Variants in NET1 observed in about 807,000 individuals in gnomAD.
The protein encoded by NET1 is neuroepithelial cell transforming 1, also known as neuroepithelial cell-transforming gene 1 protein.
In NET1, 42 loss-of-function variants were observed where a neutral mutation model predicts 61.1. That is an observed-to-expected ratio of 0.69 (90% CI 0.54 to 0.89). The LOEUF (loss-of-function observed/expected upper bound fraction) is 0.89. NET1 is among the 40% of genes least tolerant of loss of function. The pLI is 0.00. For synonymous variants in NET1, 254 were observed against 281.8 expected (o/e 0.90, Z 0.99); for missense variants, 654 against 747.3 (o/e 0.88, Z 1.46).
Position 5,416,083 on chromosome 10 carries a change from G to A in NET1, c.128+3263G>A, listed in dbSNP as rs1010909397. On this transcript the variant is annotated intron_variant, in intron 1 of 11. Coordinates refer to ENST00000355029, the MANE Select transcript of NET1 (RefSeq NM_001047160.3). The surrounding 1 kb of genome is among the most constrained non-coding windows in gnomAD (Gnocchi z 6.1). ...TTAGTTTTTGTATATAATGTGAGATGACGGTCCAACTTAATTCTTTTTCAT... is the reference window on the plus strand; with the variant it reads ...TTAGTTTTTGTATATAATGTGAGATAACGGTCCAACTTAATTCTTTTTCAT... Among the ~76,000 whole-genome samples the A allele has an allele frequency of 6.6e-6, 1 of 152,138 alleles. No individual in the cohort carries two copies. The highest frequency in any genetic ancestry group is 2.4e-5 in the African/African-American group (1 of 41,416).
In NET1 at chr10:5,448,597, G is replaced by A. The variant is rs76461381; in HGVS notation, c.256-3233G>A. On this transcript the variant is annotated intron_variant, in intron 3 of 11. Transcript: ENST00000355029. ...AAGTGAACTTTAGCCCTGGTGAAAG[G>A]TTCCCTGCAGCAGAAAATTCATTGA... Among the ~76,000 whole-genome samples the A allele has an allele frequency of 6.5e-3, 979 of 151,486 alleles. 37 individuals are homozygous for A. The East Asian group carries it at 0.11, about 16-fold the overall frequency.
Position 5,453,335 on chromosome 10 carries a change from C to T in NET1, c.680C>T (p.Pro227Leu), listed in dbSNP as rs1832739350. ...TTTGGTGATCTGGACTCTTACATAC[C>T]TCTGCATGAAGGTTAGATGTGCCAC... ...HIFGDLDSYI[P>L]LHEDLLTRIG... is the part of the protein sequence containing the mutation. Residue 227 changes from proline to leucine, a missense_variant, in exon 7 of 12, where the codon CCT (proline) becomes CTT (leucine). By Grantham distance (98) the Pro-to-Leu change is moderately conservative. Transcript: ENST00000355029. The surrounding 1 kb of genome is among the most constrained non-coding windows in gnomAD (Gnocchi z 4.9). The T allele has an allele frequency of 1.9e-6, 3 of 1,608,566 alleles. No homozygotes were observed. The highest frequency in any genetic ancestry group is 2.6e-6 in the Non-Finnish European group (3 of 1,175,054).
chr10:5,453,616 A>C lies in NET1; in HGVS notation c.768+56A>C, dbSNP rs1832745635. 1 of 1,451,954 alleles carries C rather than the reference A, an allele frequency of 6.9e-7. No individual in the cohort carries two copies. The highest frequency in any genetic ancestry group is 9.7e-7 in the Non-Finnish European group (1 of 1,032,240). The allele number at this position is 1,451,954 out of a possible 1,614,324, so 89.9% of individuals were successfully genotyped here. ...GTTTCTTACAGATGTGCCATGTTGC[A>C]GTTTCTGATGAATATGAGACAGATT... On this transcript the variant is annotated intron_variant, in intron 8 of 11. Coordinates refer to ENST00000355029, the MANE Select transcript of NET1 (RefSeq NM_001047160.3). This position sits in a 1 kb window ranked among gnomAD's most constrained non-coding sequence, Gnocchi z 4.9.
In NET1 at chr10:5,449,305, A is replaced by G. The variant is rs942454053; in HGVS notation, c.256-2525A>G. Among the ~76,000 whole-genome samples the G allele has an allele frequency of 1.3e-5, 2 of 152,188 alleles. No individual in the cohort carries two copies. Among genetic ancestry groups the G allele is most frequent in the African/African-American group, 4.8e-5 (2 of 41,436 alleles). ...GTATGTCCTTTGAGTGAGGCAGGAAAGTTATCCACCATCATCCCCAAAAGC... is the reference window on the plus strand; with the variant it reads ...GTATGTCCTTTGAGTGAGGCAGGAAGGTTATCCACCATCATCCCCAAAAGC... On this transcript the variant is annotated intron_variant, in intron 3 of 11. Transcript: ENST00000355029. This position sits in a 1 kb window ranked among gnomAD's most constrained non-coding sequence, Gnocchi z 4.4.
At chr10:5,418,526 C>T (rs1832115852) in intron 1 of NET1, among the ~76,000 whole-genome samples, 1 of 151,914 alleles carries the variant, frequency 6.6e-6, no homozygotes, top group African/African-American at 2.4e-5. Context: ...TAATTTGTGT[C>T]TTCTTTCTTT....
In NET1 at chr10:5,454,645, C is replaced by T; in HGVS notation, c.1026+123C>T. 1 of 1,165,078 alleles carries T rather than the reference C, an allele frequency of 8.6e-7. No individual in the cohort carries two copies. Among genetic ancestry groups the T allele is most frequent in the Non-Finnish European group, 1.2e-6 (1 of 830,282 alleles). The allele number at this position is 1,165,078 out of a possible 1,614,324, so 72.2% of individuals were successfully genotyped here. On this transcript the variant is annotated intron_variant, in intron 9 of 11. Transcript: ENST00000355029. This position sits in a 1 kb window ranked among gnomAD's most constrained non-coding sequence, Gnocchi z 8.1. Reference sequence around the variant, plus strand: ...GTGAATTGTTTTGTTGTTTTAAGTACCCAGTGCGTTAGTACGCTGTGCACT... The same window carrying T: ...GTGAATTGTTTTGTTGTTTTAAGTATCCAGTGCGTTAGTACGCTGTGCACT...
intron 2 of NET1, among the ~76,000 whole-genome samples, chr10:5,428,036 T>TA (rs1554816644): frequency 9.8e-5 from 1 of 10,190 alleles, no homozygotes; most frequent in Non-Finnish European, 5.6e-4. Flanking sequence ...ACTTTGCCGT[T>TA]CCTTTTTTTT....
In NET1 at chr10:5,452,417, G is replaced by A. The variant is rs773822256; in HGVS notation, c.423G>A (p.Arg141=). The A allele has an allele frequency of 3.7e-6, 6 of 1,614,012 alleles. No homozygotes were observed. In the South Asian group the frequency reaches 4.4e-5, roughly 12 times the overall value. ...SPASAQKFSS[R]STVPTPAKRR... is the part of the protein sequence containing the mutation. ...CCTCTGCCCAGAAGTTTTCTAGCAGGTCAACAGTCCCAACACCCGCCAAGA... is the reference window on the plus strand; with the variant it reads ...CCTCTGCCCAGAAGTTTTCTAGCAGATCAACAGTCCCAACACCCGCCAAGA... The change falls in exon 5 of 12, where the codon AGG becomes AGA. Residue 141 remains arginine (R), a synonymous_variant. Transcript: ENST00000355029. This position sits in a 1 kb window ranked among gnomAD's most constrained non-coding sequence, Gnocchi z 4.0.
Position 5,449,479 on chromosome 10 carries a change from AT to A in NET1, c.256-2346del, listed in dbSNP as rs972030933. ...TGTGGAGAAGTGGGATTATAGTTGG[AT>A]TTTTAAAGGACTGTGGAACATATTT... On this transcript the variant is annotated intron_variant, in intron 3 of 11. Transcript: ENST00000355029. The surrounding 1 kb of genome is among the most constrained non-coding windows in gnomAD (Gnocchi z 4.4). Among the ~76,000 whole-genome samples the A allele has an allele frequency of 1.3e-5, 2 of 152,296 alleles. No homozygotes were observed. The highest frequency in any genetic ancestry group is 1.9e-4 in the East Asian group (1 of 5,190).
rs1041019792 is a variant in NET1 at position 5,428,882 on chromosome 10, G to A, written c.196-288G>A. On this transcript the variant is annotated intron_variant, in intron 2 of 11. Coordinates refer to ENST00000355029, the MANE Select transcript of NET1 (RefSeq NM_001047160.3). ...GGACTACAGGTGTGTGTCACCACGC[G>A]CAGCTAATTTTTTTTTTTTTTTTGG... Among the ~76,000 whole-genome samples, 34 of 119,756 alleles carry A rather than the reference G, an allele frequency of 2.8e-4. 1 individual carries two copies. Among genetic ancestry groups the A allele is most frequent in the South Asian group, 3.1e-4 (1 of 3,194 alleles). The allele number at this position is 119,756 out of a possible 152,430, so 78.6% of individuals were successfully genotyped here.
rs2119210346 is a variant in NET1 at position 5,451,161 on chromosome 10, A to T, written c.256-669A>T. 6.6e-6 allele frequency among the ~76,000 whole-genome samples: 1 copy of T among 152,272 alleles called. No homozygotes were observed. Among genetic ancestry groups the T allele is most frequent in the African/African-American group, 2.4e-5 (1 of 41,532 alleles). ...TTTAGCCCCATTTTATAGATGAGAAAACTGATGCCAAGGGTGTGCCCTAGC... is the reference window on the plus strand; with the variant it reads ...TTTAGCCCCATTTTATAGATGAGAATACTGATGCCAAGGGTGTGCCCTAGC... On this transcript the variant is annotated intron_variant, in intron 3 of 11. Coordinates refer to ENST00000355029, the MANE Select transcript of NET1 (RefSeq NM_001047160.3). The surrounding 1 kb of genome is among the most constrained non-coding windows in gnomAD (Gnocchi z 6.1).
At position 5,453,677 on chromosome 10, in the gene NET1, G is replaced by T; in HGVS notation, c.768+117G>T. On this transcript the variant is annotated intron_variant, in intron 8 of 11. Transcript: ENST00000355029. This position sits in a 1 kb window ranked among gnomAD's most constrained non-coding sequence, Gnocchi z 4.9. Reference sequence around the variant, plus strand: ...ACTCTGTTCTACAAACACATAAGGCGTTAAAACTGAACAAATTTACAGTGA... The same window carrying T: ...ACTCTGTTCTACAAACACATAAGGCTTTAAAACTGAACAAATTTACAGTGA... The T allele has an allele frequency of 4.9e-6, 4 of 823,450 alleles. No individual in the cohort carries two copies. Among genetic ancestry groups the T allele is most frequent in the Non-Finnish European group, 6.0e-6 (3 of 502,270 alleles). 51.0% of individuals were successfully genotyped at this position (823,450 alleles called of 1,614,324 possible).
rs1319003455 is a variant in NET1, at chr10:5,440,170, T to C, written c.255+10941T>C. Among the ~76,000 whole-genome samples, 1 of 152,260 alleles carries C rather than the reference T, an allele frequency of 6.6e-6. No individual in the cohort carries two copies. Among genetic ancestry groups the C allele is most frequent in the Non-Finnish European group, 1.5e-5 (1 of 68,040 alleles). ...TATAATGTTATTAATACAGTGGGCC[T>C]GTATGATGTTCTGTGAAATATCCGG... is the stretch of plus-strand genomic sequence containing the variant. On this transcript the variant is annotated intron_variant, in intron 3 of 11. Coordinates refer to ENST00000355029, the MANE Select transcript of NET1 (RefSeq NM_001047160.3). The surrounding 1 kb of genome is among the most constrained non-coding windows in gnomAD (Gnocchi z 4.1).
Position 5,421,855 on chromosome 10 carries a change from T to G in NET1, c.129-4800T>G, listed in dbSNP as rs1832178445. The stretch of plus-strand genomic sequence containing the variant: ...AATTTCTATTTTCAGGACATACAAG[T>G]GGAATCATACAATGTGTAGTCTTTC... On this transcript the variant is annotated intron_variant, in intron 1 of 11. Transcript: ENST00000355029. This position sits in a 1 kb window ranked among gnomAD's most constrained non-coding sequence, Gnocchi z 4.2. Among the ~76,000 whole-genome samples the G allele has an allele frequency of 1.3e-5, 2 of 152,216 alleles. No homozygotes were observed. Among genetic ancestry groups the G allele is most frequent in the Non-Finnish European group, 2.9e-5 (2 of 68,034 alleles).
chr10:5,426,719 T>C lies in NET1; in HGVS notation c.193T>C (p.Leu65=). Residue 65 remains leucine (L), a splice_region_variant and synonymous_variant, in exon 2 of 12, where the codon TTG becomes CTG. Transcript: ENST00000355029. The surrounding 1 kb of genome is among the most constrained non-coding windows in gnomAD (Gnocchi z 4.6). ...ACCTGGCCCCAACTGGGACTTCACTTTGGTGAGTAGATACCTGGGTTTTTA... is the reference window on the plus strand; with the variant it reads ...ACCTGGCCCCAACTGGGACTTCACTCTGGTGAGTAGATACCTGGGTTTTTA... ...LTPGPNWDFT[L]KRKRREKDDD... 1 of 1,599,676 alleles carries C rather than the reference T, an allele frequency of 6.3e-7. No homozygotes were observed.
Position 5,439,544 on chromosome 10 carries a change from G to A in NET1, c.255+10315G>A, listed in dbSNP as rs1832491518. 6.6e-6 allele frequency among the ~76,000 whole-genome samples: 1 copy of A among 152,172 alleles called. No individual in the cohort carries two copies. The highest frequency in any genetic ancestry group is 2.1e-4 in the South Asian group (1 of 4,834). On this transcript the variant is annotated intron_variant, in intron 3 of 11. Transcript: ENST00000355029. The surrounding 1 kb of genome is among the most constrained non-coding windows in gnomAD (Gnocchi z 4.8). ...TGGCTGCTGTACCTCCCAACCTTCTGACTCAGTTGATGTGACCCTGTTTGT... is the reference window on the plus strand; with the variant it reads ...TGGCTGCTGTACCTCCCAACCTTCTAACTCAGTTGATGTGACCCTGTTTGT...
Position 5,446,499 on chromosome 10 carries a change from C to T in NET1, c.256-5331C>T. On this transcript the variant is annotated intron_variant, in intron 3 of 11. Coordinates refer to ENST00000355029, the MANE Select transcript of NET1 (RefSeq NM_001047160.3). This position sits in a 1 kb window ranked among gnomAD's most constrained non-coding sequence, Gnocchi z 5.0. ...GAAAGCTGAGAGGCCTAGGTGTGCC[C>T]AGCTCTCAGTTAACTGAAGTCACGT... is the stretch of plus-strand genomic sequence containing the variant. The T allele has an allele frequency of 1.0e-6, 1 of 999,164 alleles. No individual in the cohort carries two copies. The allele number at this position is 999,164 out of a possible 1,614,324, so 61.9% of individuals were successfully genotyped here.
intron 3 of NET1, among the ~76,000 whole-genome samples, chr10:5,436,975 A>G (rs1016998126): frequency 3.3e-5 from 5 of 152,240 alleles, no homozygotes; most frequent in Non-Finnish European, 7.3e-5. Context: ...TTCTTGGCCA[A>G]AAATAAAAGT....
At position 5,424,792 on chromosome 10, in the gene NET1, G is replaced by A. The variant is rs1281078486; in HGVS notation, c.129-1863G>A. On this transcript the variant is annotated intron_variant, in intron 1 of 11. Transcript: ENST00000355029. The surrounding 1 kb of genome is among the most constrained non-coding windows in gnomAD (Gnocchi z 6.1). ...GGTAATAACTGAACAGGTTTAGGGA[G>A]GAAAAGGGGAAAGTCTTTCCTGGCA... Among the ~76,000 whole-genome samples, 3 of 152,144 alleles carry A rather than the reference G, an allele frequency of 2.0e-5. No individual in the cohort carries two copies. The highest frequency in any genetic ancestry group is 7.2e-5 in the African/African-American group (3 of 41,432).
Sources: allele counts gnomAD v4.1 joint callset (sites outside exome capture counted in the v4.1 genomes callset), GRCh38; gene constraint gnomAD v4.1.1; non-coding constraint Gnocchi (gnomAD v3.1); transcripts MANE v1.5; gene names NCBI Gene and HGNC (gene_info 2026-07-23, HGNC 2026-07-21).